The following NCOA3 variants were observed in gnomAD, a reference collection of about 807,000 sequenced individuals.
NCOA3 encodes the protein CBP-interacting protein.
A neutral mutation model predicts 158.8 loss-of-function variants in NCOA3; 51 were observed. The ratio of observed to expected loss-of-function variants is 0.32; its 90% CI spans 0.26 to 0.41. NCOA3 has a LOEUF of 0.41. Ranked by LOEUF, NCOA3 falls within the 10% of genes least tolerant of loss-of-function variation. The probability of loss-of-function intolerance (pLI) is 1.00; values close to 1 mark genes in which losing one functional copy is unlikely to be tolerated. For missense variants in NCOA3, 1,510 were observed against 1,746.6 expected (o/e 0.86, Z 2.41); for synonymous variants, 537 against 592.4 (o/e 0.91, Z 1.36).
At chr20:47,560,968 C>CTTTTTTTTTTTTT (rs11481985) in intron 1 of NCOA3, among the ~76,000 whole-genome samples, 1 of 101,188 alleles carries the variant, frequency 9.9e-6, no homozygotes, top group Non-Finnish European at 1.9e-5. Flanking sequence ...ATCCCTCATT[C>CTTTTTTTTTTTTT]TTTTTTTTTT....
chr20:47,635,794 TA>T, intron 11 of NCOA3, 81 bp downstream of exon 11: 1 of 1,486,336 alleles, frequency 6.7e-7, no homozygotes. Context: ...CTTGTAAAGT[TA>T]ATCTATTTTA....
In NCOA3 at chr20:47,653,740, G is replaced by T. The variant is rs933445793; in HGVS notation, c.*323G>T. The stretch of plus-strand genomic sequence containing the variant: ...TAAAACTTTTGTGTCACTTTTTTCT[G>T]CCTTGCTAGCCAAAATCTCTTAAAT... On this transcript the variant is annotated 3_prime_UTR_variant, in exon 23 of 23. Transcript: ENST00000371998. 13 of 362,866 alleles carry T rather than the reference G, an allele frequency of 3.6e-5. No individual in the cohort carries two copies. Among genetic ancestry groups the T allele is most frequent in the African/African-American group, 2.7e-4 (13 of 47,764 alleles). 22.5% of individuals were successfully genotyped at this position (362,866 alleles called of 1,614,324 possible).
intron 1 of NCOA3, among the ~76,000 whole-genome samples, chr20:47,556,035 A>G (rs562145482): frequency 1.7e-4 from 24 of 138,888 alleles, no homozygotes; most frequent in African/African-American, 6.2e-4. Context: ...CCCGGATTCA[A>G]GCAATTCTCC....
intron 1 of NCOA3, among the ~76,000 whole-genome samples, chr20:47,539,862 T>C (rs2425953): frequency 0.15 from 23,536 of 152,192 alleles, 2,856 homozygotes; most frequent in African/African-American, 0.33. Context: ...TGTAAAACTT[T>C]CAAATAAATA....
rs762495908 is a variant in NCOA3 at position 47,656,083 on chromosome 20, C to T, written c.*2666C>T. On this transcript the variant is annotated 3_prime_UTR_variant, in exon 23 of 23. Coordinates refer to ENST00000371998, the MANE Select transcript of NCOA3 (RefSeq NM_181659.3). Reference sequence around the variant, plus strand: ...GTATCTGTTGGGTGAACAGTATAATCTTTTCATCTGCTTTTAGAATGTGGG... The same window carrying T: ...GTATCTGTTGGGTGAACAGTATAATTTTTTCATCTGCTTTTAGAATGTGGG... 6.8e-6 allele frequency: 1 copy of T among 146,964 alleles called. No homozygotes were observed. The highest frequency in any genetic ancestry group is 6.8e-5 in the Admixed American group (1 of 14,664). The allele number at this position is 146,964 out of a possible 1,614,324, so 9.1% of individuals were successfully genotyped here.
At chr20:47,561,441 A>G (rs950512893) in intron 1 of NCOA3, among the ~76,000 whole-genome samples, 5 of 151,088 alleles carry the variant, frequency 3.3e-5, no homozygotes, top group East Asian at 1.9e-4. Flanking sequence ...AGCTAGGACT[A>G]TAGGCCTGTG....
intron 1 of NCOA3, among the ~76,000 whole-genome samples, chr20:47,542,435 T>C (rs2084760152): frequency 6.6e-6 from 1 of 152,292 alleles, no homozygotes; most frequent in African/African-American, 2.4e-5. Context: ...ATTTTTAAAA[T>C]GGTAGTTAGC....
chr20:47,538,169 C>T (rs186220656), intron 1 of NCOA3, among the ~76,000 whole-genome samples: 14 of 152,176 alleles, frequency 9.2e-5, no homozygotes, highest in African/African-American at 2.4e-4. Context: ...CATGAACCAC[C>T]GCGCCTGGAC....
intron 2 of NCOA3, 24 bp from the exon 3 acceptor site, chr20:47,622,205 T>G (rs1367188403): frequency 7.8e-7 from 1 of 1,281,542 alleles, no homozygotes. Flanking sequence ...TGTACTTATC[T>G]TATTTCTCAT....
At chr20:47,540,831 T>C (rs970270981) in intron 1 of NCOA3, among the ~76,000 whole-genome samples, 1 of 152,196 alleles carries the variant, frequency 6.6e-6, no homozygotes, top group Non-Finnish European at 1.5e-5. Flanking sequence ...CTTTTGGAGT[T>C]CAGAGGAAGA....
intron 1 of NCOA3, among the ~76,000 whole-genome samples, chr20:47,544,308 T>C (rs1037938212): frequency 3.4e-5 from 5 of 147,906 alleles, no homozygotes; most frequent in African/African-American, 1.3e-4. Flanking sequence ...GTCTTTTATT[T>C]AATACTACTT....
chr20:47,540,486 C>T (rs542857819), intron 1 of NCOA3, among the ~76,000 whole-genome samples: 5 of 150,868 alleles, frequency 3.3e-5, no homozygotes, highest in South Asian at 4.2e-4. Flanking sequence ...GAAGGAGAAT[C>T]GGTTGAACCT....
At chr20:47,634,467 TA>T (rs1272649666) in intron 10 of NCOA3, among the ~76,000 whole-genome samples, 1 of 152,234 alleles carries the variant, frequency 6.6e-6, no homozygotes. Flanking sequence ...TTACATGTCT[TA>T]CCACTCATTT....
intron 20 of NCOA3, among the ~76,000 whole-genome samples, chr20:47,651,840 A>T (rs2076551): frequency 0.16 from 23,270 of 149,642 alleles, 2,974 homozygotes; most frequent in African/African-American, 0.35. Flanking sequence ...TTTTTTTTTT[A>T]AATTTTTAAT....
intron 2 of NCOA3, among the ~76,000 whole-genome samples, chr20:47,614,326 A>G (rs140486842): frequency 6.6e-6 from 1 of 152,312 alleles, no homozygotes; most frequent in East Asian, 1.9e-4. Flanking sequence ...GAGAATTTGG[A>G]ATTTCAGTTT....
At chr20:47,529,947 T>C (rs2084519165) in intron 1 of NCOA3, among the ~76,000 whole-genome samples, 1 of 152,256 alleles carries the variant, frequency 6.6e-6, no homozygotes, top group African/African-American at 2.4e-5. Flanking sequence ...GCAGACATTC[T>C]GGATGTCAGC....
At chr20:47,625,561 T>G in intron 5 of NCOA3, 80 bp downstream of exon 5, 1 of 1,045,452 alleles carries the variant, frequency 9.6e-7, no homozygotes, top group South Asian at 1.4e-5. Context: ...TCGATGAAAT[T>G]TTGGTTAGGA....
intron 1 of NCOA3, among the ~76,000 whole-genome samples, chr20:47,507,537 A>T (rs553409645): frequency 1.1e-3 from 174 of 152,096 alleles, no homozygotes; most frequent in Middle Eastern, 0.01. Flanking sequence ...GGTGCTGTTA[A>T]TTTTTTCTGT....
At position 47,637,799 on chromosome 20, in the gene NCOA3, G is replaced by GTTTTT; in HGVS notation, c.2512+26_2512+30dup. 1.4e-6 allele frequency: 2 copies of GTTTTT among 1,407,088 alleles called. No individual in the cohort carries two copies. The highest frequency in any genetic ancestry group is 1.3e-5 in the South Asian group (1 of 74,896). The allele number at this position is 1,407,088 out of a possible 1,614,324, so 87.2% of individuals were successfully genotyped here. A position where few individuals can be genotyped will look rare whatever the true frequency, so the allele number is the denominator to read the frequency against. On this transcript the variant is annotated intron_variant, in intron 13 of 22. Coordinates refer to ENST00000371998, the MANE Select transcript of NCOA3 (RefSeq NM_181659.3). ...AATTCTCTGGGTAAGAATGAACTAGGTTTTTTTTTTTTTTGCTGCCTTTGA... is the reference window on the plus strand; with the variant it reads ...AATTCTCTGGGTAAGAATGAACTAGGTTTTTTTTTTTTTTTTTTTGCTGCCTTTGA...
Sources: allele counts gnomAD v4.1 joint callset (sites outside exome capture counted in the v4.1 genomes callset), GRCh38; gene constraint gnomAD v4.1.1; transcripts MANE v1.5; gene names NCBI Gene and HGNC (gene_info 2026-07-23, HGNC 2026-07-21).